The following FUT8 variants were observed in gnomAD, a reference collection of about 807,000 sequenced individuals.
The protein encoded by FUT8 is fucosyltransferase 8, also known as alpha-(1,6)-fucosyltransferase.
FUT8 carries 29 observed loss-of-function variants against 71.3 expected under a neutral mutation model. That is an observed-to-expected ratio of 0.41 (90% CI 0.30 to 0.55). The LOEUF is 0.55. Ranked by LOEUF, FUT8 falls within the 20% of genes least tolerant of loss-of-function variation. The pLI, the probability that FUT8 is intolerant of heterozygous loss-of-function variation, is 0.34. For synonymous variants in FUT8, 254 were observed against 239.3 expected, an observed-to-expected ratio of 1.06 and a Z score of -0.57; for missense variants, 544 against 702.1, an observed-to-expected ratio of 0.77 and a Z score of 2.55.
At chr14:65,718,661 T>C (rs776660623) in intron 7 of FUT8, among the ~76,000 whole-genome samples, 2 of 152,232 alleles carry the variant, frequency 1.3e-5, no homozygotes, top group African/African-American at 2.4e-5. Flanking sequence ...CTGATGTTGA[T>C]GAAATCTCTC....
chr14:65,547,646 A>G (rs1030972706), intron 2 of FUT8, among the ~76,000 whole-genome samples: 2 of 151,780 alleles, frequency 1.3e-5, no homozygotes, highest in African/African-American at 2.4e-5. Flanking sequence ...ATCTTGTAGT[A>G]TGTATCAGCT....
chr14:65,453,947 G>C (rs1321364452), intron 1 of FUT8, among the ~76,000 whole-genome samples: 1 of 152,066 alleles, frequency 6.6e-6, no homozygotes, highest in Non-Finnish European at 1.5e-5. Context: ...TCTTGGCAAT[G>C]GTGTCTAGAA....
intron 2 of FUT8, among the ~76,000 whole-genome samples, chr14:65,559,065 A>G (rs1264549295): frequency 6.6e-6 from 1 of 152,092 alleles, no homozygotes; most frequent in African/African-American, 2.4e-5. Context: ...GTTTCTGTAA[A>G]CTTTTGTTAC....
chr14:65,719,624 G>A (rs1895303536), intron 7 of FUT8, among the ~76,000 whole-genome samples: 1 of 152,178 alleles, frequency 6.6e-6, no homozygotes, highest in South Asian at 2.1e-4. Flanking sequence ...GGAGTTGGCT[G>A]TTGTGATCCA....
At chr14:65,556,982 C>A (rs909176983) in intron 2 of FUT8, among the ~76,000 whole-genome samples, 1 of 152,246 alleles carries the variant, frequency 6.6e-6, no homozygotes, top group Admixed American at 6.5e-5. Context: ...GATTCTAGCA[C>A]CCATACTTTT....
At chr14:65,400,551 T>G in the FUT8 span, among the ~76,000 whole-genome samples, 3 of 152,218 alleles carry the variant, frequency 2.0e-5, no homozygotes, top group Non-Finnish European at 4.4e-5. Context: ...CATGATAGCA[T>G]TAGCTTTTGA....
rs1240132717 is a variant in FUT8, at chr14:65,483,320, T to G, written c.-228+27602T>G. ...TGTCAGCCTAGGGAGCATTGGCTAC[T>G]CTTAAGAGTTCTCTTTATTTCTCAT... On this transcript the variant is annotated intron_variant, in intron 2 of 10. Transcript: ENST00000673929. This position sits in a 1 kb window ranked among gnomAD's most constrained non-coding sequence, Gnocchi z 4.4. Among the ~76,000 whole-genome samples, 1 of 152,234 alleles carries G rather than the reference T, an allele frequency of 6.6e-6. No homozygotes were observed. Among genetic ancestry groups the G allele is most frequent in the Non-Finnish European group, 1.5e-5 (1 of 68,044 alleles).
intron 7 of FUT8, among the ~76,000 whole-genome samples, chr14:65,673,583 G>A (rs1467725503): frequency 6.6e-6 from 1 of 152,222 alleles, no homozygotes; most frequent in African/African-American, 2.4e-5. Context: ...AGAATTTTCT[G>A]TCAGTGGGCA....
chr14:65,669,421 T>A lies in FUT8; in HGVS notation c.776T>A (p.Phe259Tyr). Residue 259 changes from phenylalanine (F) to tyrosine (Y), a missense_variant, in exon 7 of 11, where the codon TTT becomes TAT. Phe to Tyr is a conservative substitution (Grantham distance 22). Transcript: ENST00000673929. This position sits in a 1 kb window ranked among gnomAD's most constrained non-coding sequence, Gnocchi z 4.5. ...RYATGGWETV[F>Y]RPVSETCTDR... ...GCTACTGGTGGATGGGAGACTGTAT[T>A]TAGGCCTGTAAGTGAGACATGCACA... 1 of 1,613,768 alleles carries A rather than the reference T, an allele frequency of 6.2e-7. No homozygotes were observed. The highest frequency in any genetic ancestry group is 8.5e-7 in the Non-Finnish European group (1 of 1,179,794).
rs897477216 is a variant in FUT8 at position 65,722,101 on chromosome 14, A to T, written c.1082+80A>T. The stretch of plus-strand genomic sequence containing the variant: ...ATCTTTACAATATATTGTGAATTTT[A>T]CAATATGTAGTTCAATTTTTATAGT... On this transcript the variant is annotated intron_variant, in intron 8 of 10. Coordinates refer to ENST00000673929, the MANE Select transcript of FUT8 (RefSeq NM_001371533.1). 40 of 1,522,690 alleles carry T rather than the reference A, an allele frequency of 2.6e-5. No homozygotes were observed. The African/African-American group carries it at 5.0e-4, about 19-fold the overall frequency. 94.3% of individuals were successfully genotyped at this position (1,522,690 alleles called of 1,614,324 possible).
intron 6 of FUT8, among the ~76,000 whole-genome samples, chr14:65,661,985 G>C (rs1002232486): frequency 3.3e-5 from 5 of 152,128 alleles, no homozygotes; most frequent in African/African-American, 1.2e-4. Flanking sequence ...TTTGGTTAGA[G>C]GCTTATTGAT....
intron 3 of FUT8, among the ~76,000 whole-genome samples, chr14:65,602,343 T>TCACACACACA (rs1163052408): frequency 2.5e-4 from 12 of 48,456 alleles, no homozygotes; most frequent in Non-Finnish European, 2.8e-4. Flanking sequence ...GTTCCATCTC[T>TCACACACACA]CACACACACA....
At chr14:65,383,429 C>T in the FUT8 span, among the ~76,000 whole-genome samples, 1 of 152,054 alleles carries the variant, frequency 6.6e-6, no homozygotes, top group Non-Finnish European at 1.5e-5. Flanking sequence ...CATGTGCCAC[C>T]ACACTCAGCT....
chr14:65,547,558 C>G (rs867492692), intron 2 of FUT8, among the ~76,000 whole-genome samples: 2 of 151,690 alleles, frequency 1.3e-5, no homozygotes, highest in South Asian at 2.1e-4. Context: ...TTTAACATGT[C>G]TGTTTAAATC....
chr14:65,563,511 G>T (rs747134418), intron 3 of FUT8, among the ~76,000 whole-genome samples: 12 of 151,946 alleles, frequency 7.9e-5, no homozygotes, highest in Non-Finnish European at 1.6e-4. Flanking sequence ...GCCTTCCTGA[G>T]CAGAAAACAG....
chr14:65,427,933 T>G (rs1213643770), intron 1 of FUT8, among the ~76,000 whole-genome samples: 1 of 152,220 alleles, frequency 6.6e-6, no homozygotes, highest in Non-Finnish European at 1.5e-5. Context: ...CATACAATAG[T>G]GTAGTCTTTT....
At chr14:65,462,588 A>G (rs1260753207) in intron 2 of FUT8, among the ~76,000 whole-genome samples, 1 of 152,194 alleles carries the variant, frequency 6.6e-6, no homozygotes, top group Admixed American at 6.5e-5. Flanking sequence ...TCTAGGTGTA[A>G]GTGAATCATG....
At chr14:65,645,353 A>C (rs1483811905) in intron 6 of FUT8, among the ~76,000 whole-genome samples, 7 of 152,154 alleles carry the variant, frequency 4.6e-5, no homozygotes, top group Admixed American at 4.6e-4. Context: ...TTTCCCTTAC[A>C]TTTCTTAGCT....
chr14:65,364,686 G>C, the FUT8 span, among the ~76,000 whole-genome samples: 2 of 152,270 alleles, frequency 1.3e-5, no homozygotes, highest in East Asian at 3.9e-4. Flanking sequence ...ATCTGGTCCA[G>C]ACAGGCTCAC....
Sources: gnomAD v4.1 joint callset for allele counts (sites outside exome capture counted in the v4.1 genomes callset) on GRCh38, gnomAD v4.1.1 for gene constraint, Gnocchi (gnomAD v3.1) non-coding constraint, MANE v1.5 for transcripts, NCBI Gene and HGNC (gene_info 2026-07-23, HGNC 2026-07-21) for gene names.